SLMAP: variants seen among roughly 807,000 people sequenced by gnomAD.
SLMAP encodes the protein sarcolemma associated protein.
A neutral mutation model predicts 128.8 loss-of-function variants in SLMAP; 44 were observed. That is an observed-to-expected ratio of 0.34 (90% CI 0.27 to 0.44). SLMAP has a LOEUF of 0.44. Among genes scored for constraint, SLMAP ranks in the 20% least tolerant of loss-of-function variants. The pLI, the probability that SLMAP is intolerant of heterozygous loss-of-function variation, is 1.00. For missense variants in SLMAP, 787 were observed against 985.3 expected (o/e 0.80, Z 2.69); for synonymous variants, 327 against 348.8 (o/e 0.94, Z 0.70).
chr3:57,877,684 G>A (rs2095634772), intron 14 of SLMAP, among the ~76,000 whole-genome samples: 1 of 151,962 alleles, frequency 6.6e-6, no homozygotes, highest in South Asian at 2.1e-4. Flanking sequence ...CATTATAACT[G>A]CCCAGGTGAC....
At chr3:57,911,576 C>T (rs1251081232) in intron 19 of SLMAP, among the ~76,000 whole-genome samples, 2 of 152,014 alleles carry the variant, frequency 1.3e-5, no homozygotes, top group African/African-American at 2.4e-5. Context: ...CTCATTAATT[C>T]AACCAATAAT....
intron 23 of SLMAP, among the ~76,000 whole-genome samples, chr3:57,923,939 T>C (rs2096958498): frequency 6.6e-6 from 1 of 152,252 alleles, no homozygotes; most frequent in Non-Finnish European, 1.5e-5. Context: ...TTTTAGAAGT[T>C]GATGAACTGG....
chr3:57,780,774 G>T lies in SLMAP; in HGVS notation c.198+22925G>T, dbSNP rs139867004. Reference sequence around the variant, plus strand: ...TCTTCCCACCTAGGCCTTCCTCGTGGCTGGGACTGTAGGCACGCACCACCA... The same window carrying T: ...TCTTCCCACCTAGGCCTTCCTCGTGTCTGGGACTGTAGGCACGCACCACCA... On this transcript the variant is annotated intron_variant, in intron 2 of 24. Coordinates refer to ENST00000671191, the MANE Select transcript of SLMAP (RefSeq NM_001377540.1). Among the ~76,000 whole-genome samples the T allele has an allele frequency of 5.3e-3, 806 of 151,722 alleles. 3 individuals are homozygous for T. The highest frequency in any genetic ancestry group is 0.01 in the Middle Eastern group (3 of 294).
chr3:57,911,312 G>GTC (rs2096689937), intron 19 of SLMAP, among the ~76,000 whole-genome samples: 2 of 152,124 alleles, frequency 1.3e-5, no homozygotes, highest in South Asian at 2.1e-4. Flanking sequence ...AACTTAGAAA[G>GTC]TCTAATATCT....
At chr3:57,860,666 C>G (rs1423054723) in intron 8 of SLMAP, 33 bp from the exon 9 acceptor site, 1 of 1,441,692 alleles carries the variant, frequency 6.9e-7, no homozygotes, top group East Asian at 2.6e-5. Context: ...TAAAAAATAA[C>G]TTGTCTATAA....
chr3:57,847,765 T>TA (rs1313887914), intron 5 of SLMAP, among the ~76,000 whole-genome samples: 4 of 152,230 alleles, frequency 2.6e-5, no homozygotes, highest in Admixed American at 2.6e-4. Context: ...CATTGCTAAT[T>TA]AGCCCCCCAA....
intron 13 of SLMAP, among the ~76,000 whole-genome samples, chr3:57,866,146 C>T (rs1310032916): frequency 1.3e-5 from 2 of 152,136 alleles, no homozygotes; most frequent in Non-Finnish European, 2.9e-5. Flanking sequence ...GTGGTGTGCG[C>T]CTGTAGTCCC....
At chr3:57,799,085 C>G (rs1426473519) in intron 2 of SLMAP, among the ~76,000 whole-genome samples, 2 of 152,172 alleles carry the variant, frequency 1.3e-5, no homozygotes, top group African/African-American at 4.8e-5. Flanking sequence ...GTCCAGTCAT[C>G]ATTTCTGTGT....
chr3:57,923,514 G>T (rs2096952057), intron 23 of SLMAP, among the ~76,000 whole-genome samples: 1 of 152,188 alleles, frequency 6.6e-6, no homozygotes, highest in Non-Finnish European at 1.5e-5. Context: ...TTTCTGTAGG[G>T]CTGTGAGAGA....
chr3:57,874,238 G>A (rs920334418), intron 14 of SLMAP, among the ~76,000 whole-genome samples: 1 of 152,154 alleles, frequency 6.6e-6, no homozygotes, highest in Non-Finnish European at 1.5e-5. Context: ...GCTCCAGTGA[G>A]CTATAGTTGT....
intron 2 of SLMAP, among the ~76,000 whole-genome samples, chr3:57,812,754 G>A (rs552089224): frequency 2.0e-5 from 3 of 151,654 alleles, no homozygotes; most frequent in Admixed American, 6.6e-5. Flanking sequence ...AGTTTTTATT[G>A]TACAAATATT....
intron 15 of SLMAP, among the ~76,000 whole-genome samples, chr3:57,895,507 T>G (rs1371026091): frequency 6.6e-6 from 1 of 152,050 alleles, no homozygotes; most frequent in Non-Finnish European, 1.5e-5. Context: ...GCTAATTTTT[T>G]GTATTTTTTG....
intron 2 of SLMAP, among the ~76,000 whole-genome samples, chr3:57,799,544 A>C (rs1169842347): frequency 8.5e-5 from 13 of 152,132 alleles, no homozygotes; most frequent in Admixed American, 7.9e-4. Context: ...TTCTTTCTGA[A>C]AGTAAGAATT....
intron 2 of SLMAP, among the ~76,000 whole-genome samples, chr3:57,791,451 T>C (rs1006714044): frequency 6.6e-6 from 1 of 152,214 alleles, no homozygotes; most frequent in Non-Finnish European, 1.5e-5. Flanking sequence ...TTGTAAAGCA[T>C]GTATGTCAAA....
chr3:57,835,829 G>T (rs745559102), intron 3 of SLMAP, among the ~76,000 whole-genome samples: 3 of 152,060 alleles, frequency 2.0e-5, no homozygotes, highest in African/African-American at 7.2e-5. Context: ...GCAAACTGTC[G>T]AAGGATTTGT....
intron 2 of SLMAP, among the ~76,000 whole-genome samples, chr3:57,808,024 T>C (rs2090227240): frequency 2.0e-5 from 3 of 152,208 alleles, no homozygotes; most frequent in African/African-American, 7.2e-5. Context: ...CAGGACTTTA[T>C]GTATTTCTTC....
At position 57,757,536 on chromosome 3, in the gene SLMAP, T is replaced by C; in HGVS notation, c.-116T>C. The stretch of plus-strand genomic sequence containing the variant: ...CTGGTTATGCTTAGACAATGTGCAG[T>C]TTGTGTTAATTTAAAATTTTGGGTG... On this transcript the variant is annotated 5_prime_UTR_variant, in exon 2 of 25. Coordinates refer to ENST00000671191, the MANE Select transcript of SLMAP (RefSeq NM_001377540.1). The C allele has an allele frequency of 1.2e-6, 1 of 847,726 alleles. No individual in the cohort carries two copies. The highest frequency in any genetic ancestry group is 1.9e-6 in the Non-Finnish European group (1 of 523,938). 52.5% of individuals were successfully genotyped at this position (847,726 alleles called of 1,614,324 possible).
At chr3:57,772,838 C>G (rs1044956561) in intron 2 of SLMAP, among the ~76,000 whole-genome samples, 2 of 152,040 alleles carry the variant, frequency 1.3e-5, no homozygotes, top group African/African-American at 4.8e-5. Context: ...CAGGGTTTCT[C>G]CATGTTGGTC....
At chr3:57,884,944 A>G (rs2095840834) in intron 14 of SLMAP, among the ~76,000 whole-genome samples, 1 of 152,248 alleles carries the variant, frequency 6.6e-6, no homozygotes, top group African/African-American at 2.4e-5. Context: ...ATGAAGAGAA[A>G]GCCAAGATCA....
Sources: gnomAD v4.1 joint callset for allele counts (sites outside exome capture counted in the v4.1 genomes callset) on GRCh38, gnomAD v4.1.1 for gene constraint, MANE v1.5 for transcripts, NCBI Gene and HGNC (gene_info 2026-07-23, HGNC 2026-07-21) for gene names.